Variants in VAMP7 observed in about 807,000 individuals in gnomAD.
VAMP7 encodes vesicle-associated membrane protein 7.
VAMP7 carries 14 observed loss-of-function variants against 29.6 expected under a neutral mutation model. The ratio of observed to expected loss-of-function variants is 0.47; its 90% CI spans 0.31 to 0.74. The LOEUF is 0.74. VAMP7 is among the 30% of genes least tolerant of loss of function. The pLI is 0.05. For missense variants in VAMP7, 223 were observed against 262.4 expected (o/e 0.85, Z 1.04); for synonymous variants, 95 against 88.1 (o/e 1.08, Z -0.44).
chrX:155,903,799 G>A (rs1203637505), intron 5 of VAMP7, among the ~76,000 whole-genome samples: 4 of 152,068 alleles, frequency 2.6e-5, no homozygotes, highest in African/African-American at 7.2e-5. Flanking sequence ...TCAGTGTGGC[G>A]ATTCCTCAGG....
At position 155,900,798 on chromosome X, in the gene VAMP7, T is replaced by G. The variant is rs537413148; in HGVS notation, c.433+211T>G. Among the ~76,000 whole-genome samples the G allele has an allele frequency of 2.0e-5, 3 of 152,108 alleles. No homozygotes were observed. The South Asian group carries it at 6.2e-4, about 32-fold the overall frequency. ...TATTCTTCATTCTAAATTTACTAGT[T>G]TGCTTAACAAGACTAATTTCTAAGA... On this transcript the variant is annotated intron_variant, in intron 5 of 7. Coordinates refer to ENST00000286448, the MANE Select transcript of VAMP7 (RefSeq NM_005638.6).
intron 5 of VAMP7, among the ~76,000 whole-genome samples, chrX:155,910,339 C>T (rs2066218730): frequency 6.6e-6 from 1 of 152,162 alleles, no homozygotes. Flanking sequence ...ACCACATTTT[C>T]TTTATCCATT....
Position 155,943,377 on chromosome X carries a change from G to A in VAMP7, c.*1426G>A, listed in dbSNP as rs1603035311. The A allele has an allele frequency of 6.6e-6, 1 of 152,130 alleles. No homozygotes were observed. Among genetic ancestry groups the A allele is most frequent in the South Asian group, 2.1e-4 (1 of 4,774 alleles). The allele number at this position is 152,130 out of a possible 1,614,324, so 9.4% of individuals were successfully genotyped here. On this transcript the variant is annotated 3_prime_UTR_variant, in exon 8 of 8. Transcript: ENST00000286448. ...CTTCTATCCAAACCTTTCAATTCAT[G>A]CTACCTGATTCATTTATTTGACATA... is the stretch of plus-strand genomic sequence containing the variant.
chrX:155,902,966 C>G lies in VAMP7; in HGVS notation c.433+2379C>G, dbSNP rs1000832124. Reference sequence around the variant, plus strand: ...ATGGTACCAGTTCCTCCTTGTACCTCTGGTAGAATTCTGCTGTGAATCCAT... The same window carrying G: ...ATGGTACCAGTTCCTCCTTGTACCTGTGGTAGAATTCTGCTGTGAATCCAT... On this transcript the variant is annotated intron_variant, in intron 5 of 7. Transcript: ENST00000286448. Among the ~76,000 whole-genome samples the G allele has an allele frequency of 1.1e-3, 165 of 151,826 alleles. 1 individual carries two copies. The highest frequency in any genetic ancestry group is 3.8e-3 in the African/African-American group (159 of 41,374).
intron 6 of VAMP7, among the ~76,000 whole-genome samples, chrX:155,937,428 CA>C (rs368668150): frequency 4.9e-4 from 75 of 152,106 alleles, no homozygotes; most frequent in African/African-American, 1.7e-3. Context: ...ACCACATACC[CA>C]AAAAAGTAAC....
Position 155,889,567 on chromosome X carries a change from C to T in VAMP7, c.101C>T (p.Ala34Val). 6.2e-7 allele frequency: 1 copy of T among 1,613,890 alleles called. No homozygotes were observed. Among genetic ancestry groups the T allele is most frequent in the East Asian group, 2.2e-5 (1 of 44,872 alleles). Reference protein sequence around the residue: ...NFLEVTEQILAKIPSENNKLT... With the variant: ...NFLEVTEQILVKIPSENNKLT... ...CTGGAGGTGACAGAGCAGATTCTGG[C>T]TAAGATACCTTCTGAAAATAACAAA... Residue 34 changes from alanine to valine, a missense_variant, in exon 2 of 8, where the codon GCT (alanine) becomes GTT (valine). Coordinates refer to ENST00000286448, the MANE Select transcript of VAMP7 (RefSeq NM_005638.6).
intron 1 of VAMP7, among the ~76,000 whole-genome samples, chrX:155,885,113 A>T (rs771495210): frequency 4.6e-5 from 7 of 152,332 alleles, no homozygotes; most frequent in African/African-American, 1.4e-4. Context: ...TAATTCCTCT[A>T]TTAAAAAACT....
chrX:155,928,028 C>G (rs1320668477), intron 6 of VAMP7, among the ~76,000 whole-genome samples: 4 of 152,050 alleles, frequency 2.6e-5, no homozygotes, highest in Non-Finnish European at 5.9e-5. Context: ...AAGTGATCCT[C>G]CTGCCTTGCC....
rs146902411 is a variant in VAMP7, at chrX:155,888,354, G to A, written c.-9-1104G>A. On this transcript the variant is annotated intron_variant, in intron 1 of 7. Transcript: ENST00000286448. ...TTCCAGGGCCCTACCTCAGGCCTAC[G>A]GAATCAGAATTTCAGGAAGTGATGC... Among the ~76,000 whole-genome samples, 1,227 of 152,224 alleles carry A rather than the reference G, an allele frequency of 8.1e-3. 16 individuals carry two copies. Among genetic ancestry groups the A allele is most frequent in the African/African-American group, 0.028 (1,169 of 41,540 alleles).
In VAMP7 at chrX:155,923,426, CT is replaced by C. The variant is rs753514889; in HGVS notation, c.501+3557del. ...GTCTGAGAAGTTTTTATTTCACTTC[CT>C]TTTTTTTTTTGAAAGACATTTTCAC... On this transcript the variant is annotated intron_variant, in intron 6 of 7. Transcript: ENST00000286448. 2.0e-3 allele frequency among the ~76,000 whole-genome samples: 290 copies of C among 143,922 alleles called. 2 individuals are homozygous for C. The highest frequency in any genetic ancestry group is 4.0e-3 in the African/African-American group (160 of 39,694). The allele number at this position is 143,922 out of a possible 152,430, so 94.4% of individuals were successfully genotyped here.
At chrX:155,913,528 C>G (rs926178876) in intron 5 of VAMP7, among the ~76,000 whole-genome samples, 1 of 152,050 alleles carries the variant, frequency 6.6e-6, no homozygotes, top group African/African-American at 2.4e-5. Context: ...AGTCTTTAAT[C>G]CATCTTGAGT....
intron 3 of VAMP7, 86 bp downstream of exon 3, chrX:155,895,766 A>T (rs2065979423): frequency 8.4e-7 from 1 of 1,188,638 alleles, no homozygotes; most frequent in African/African-American, 1.5e-5. Context: ...GGGGTCCCCA[A>T]CCCCCAGGCT....
chrX:155,900,345 A>G (rs1156992087), intron 4 of VAMP7, 152 bp from the exon 5 acceptor site: 1 of 601,570 alleles, frequency 1.7e-6, no homozygotes, highest in Admixed American at 3.5e-5. Flanking sequence ...TGGGTATTGT[A>G]ACATTTTTCC....
chrX:155,922,481 T>C (rs2066410411), intron 6 of VAMP7, among the ~76,000 whole-genome samples: 1 of 152,072 alleles, frequency 6.6e-6, no homozygotes, highest in Admixed American at 6.6e-5. Context: ...TTGAGATCTT[T>C]GGTTTTTCTC....
At chrX:155,904,382 A>G (rs2066117789) in intron 5 of VAMP7, among the ~76,000 whole-genome samples, 1 of 137,024 alleles carries the variant, frequency 7.3e-6, no homozygotes, top group African/African-American at 2.8e-5. Context: ...AAAAAAGCAA[A>G]TTTAAAATGT....
chrX:155,909,873 A>G (rs2066211756), intron 5 of VAMP7, among the ~76,000 whole-genome samples: 1 of 152,116 alleles, frequency 6.6e-6, no homozygotes, highest in African/African-American at 2.4e-5. Context: ...TGTTACATGC[A>G]AAGACTGTGT....
At chrX:155,908,322 C>T (rs1221626861) in intron 5 of VAMP7, among the ~76,000 whole-genome samples, 9 of 152,194 alleles carry the variant, frequency 5.9e-5, no homozygotes, top group Non-Finnish European at 1.2e-4. Flanking sequence ...CTCGGGAGGC[C>T]GAGGCTGGCG....
At chrX:155,915,966 C>T (rs2066306385) in intron 5 of VAMP7, among the ~76,000 whole-genome samples, 2 of 152,120 alleles carry the variant, frequency 1.3e-5, no homozygotes, top group Admixed American at 6.6e-5. Context: ...GTTAAAGTCT[C>T]CTACTATTAT....
chrX:155,938,661 A>G (rs1395020648), intron 6 of VAMP7, among the ~76,000 whole-genome samples: 1 of 152,094 alleles, frequency 6.6e-6, no homozygotes, highest in South Asian at 2.1e-4. Context: ...TTAATAAAAC[A>G]TAGCAGGGGC....
Sources: allele counts gnomAD v4.1 joint callset (sites outside exome capture counted in the v4.1 genomes callset), GRCh38; gene constraint gnomAD v4.1.1; transcripts MANE v1.5; gene names NCBI Gene and HGNC (gene_info 2026-07-23, HGNC 2026-07-21).